GPR39: variants seen among roughly 807,000 people sequenced by gnomAD.
The protein encoded by GPR39 is zinc sensing receptor.
A neutral mutation model predicts 18.4 loss-of-function variants in GPR39; 23 were observed. That is an observed-to-expected ratio of 1.25 (90% CI 0.90 to 1.77). GPR39 has a LOEUF of 1.77. Among genes scored for constraint, GPR39 ranks in the 40% most tolerant of loss-of-function variants. The pLI is 0.00. For missense variants in GPR39, 647 were observed against 602.4 expected, an observed-to-expected ratio of 1.07 and a Z score of -0.78; for synonymous variants, 280 against 257.9, an observed-to-expected ratio of 1.09 and a Z score of -0.82.
chr2:132,575,942 C>A (rs1315528446), intron 1 of GPR39, among the ~76,000 whole-genome samples: 1 of 152,158 alleles, frequency 6.6e-6, no homozygotes, highest in Non-Finnish European at 1.5e-5. Flanking sequence ...CTCCTTCTAA[C>A]ATGTGAGGAA....
intron 1 of GPR39, among the ~76,000 whole-genome samples, chr2:132,427,377 C>T (rs2104756629): frequency 6.7e-6 from 1 of 149,836 alleles, no homozygotes; most frequent in East Asian, 2.0e-4. Context: ...ACTGTGTTAG[C>T]CAGGATGTCT....
intron 1 of GPR39, among the ~76,000 whole-genome samples, chr2:132,511,155 G>T (rs1025232037): frequency 6.6e-6 from 1 of 152,116 alleles, no homozygotes; most frequent in Non-Finnish European, 1.5e-5. Context: ...GTGAAGCAAG[G>T]TTTGCCTGTT....
intron 1 of GPR39, among the ~76,000 whole-genome samples, chr2:132,494,276 G>C (rs1681596262): frequency 6.6e-6 from 1 of 152,130 alleles, no homozygotes; most frequent in South Asian, 2.1e-4. Flanking sequence ...TCCTGAGAAA[G>C]ACCTTCTCCA....
Position 132,646,140 on chromosome 2 carries a change from G to A in GPR39, c.*534G>A. The A allele has an allele frequency of 6.2e-7, 1 of 1,612,010 alleles. No individual in the cohort carries two copies. The highest frequency in any genetic ancestry group is 8.5e-7 in the Non-Finnish European group (1 of 1,178,858). ...GAGGCAGAACTTCCCCTTTTCTTGG[G>A]CCTTGGCCCGTTACAAAGAGGGGTG... On this transcript the variant is annotated 3_prime_UTR_variant, in exon 2 of 2. Coordinates refer to ENST00000329321, the MANE Select transcript of GPR39 (RefSeq NM_001508.3).
intron 1 of GPR39, among the ~76,000 whole-genome samples, chr2:132,593,048 C>T (rs1278746208): frequency 2.6e-5 from 4 of 152,210 alleles, no homozygotes; most frequent in African/African-American, 7.2e-5. Context: ...CTTAAGATTA[C>T]AGTTTTATTA....
In GPR39 at chr2:132,646,006, G is replaced by A. The variant is rs1400009775; in HGVS notation, c.*400G>A. The A allele has an allele frequency of 6.9e-7, 1 of 1,451,766 alleles. No individual in the cohort carries two copies. 89.9% of individuals were successfully genotyped at this position (1,451,766 alleles called of 1,614,324 possible). Reference sequence around the variant, plus strand: ...AGGTGGGGGGTTGGGGGCGAGGGCTGGAAGAACAATGCAGGAGGGGGTGGC... The same window carrying A: ...AGGTGGGGGGTTGGGGGCGAGGGCTAGAAGAACAATGCAGGAGGGGGTGGC... On this transcript the variant is annotated 3_prime_UTR_variant, in exon 2 of 2. Transcript: ENST00000329321.
rs116141805 is a variant in GPR39, at chr2:132,640,303, G to A, written c.857-4798G>A. On this transcript the variant is annotated intron_variant, in intron 1 of 1. Transcript: ENST00000329321. ...ATGTCAGGCTTCAGTGCAGGGTGTT[G>A]TTAGACATCTGCATTTCTTCTGTTT... 9.9e-3 allele frequency among the ~76,000 whole-genome samples: 1,510 copies of A among 152,300 alleles called. 27 individuals are homozygous for A. Among genetic ancestry groups the A allele is most frequent in the Non-Finnish European group, 0.012 (789 of 68,030 alleles).
intron 1 of GPR39, among the ~76,000 whole-genome samples, chr2:132,504,020 A>T (rs2104752678): frequency 6.6e-6 from 1 of 152,322 alleles, no homozygotes; most frequent in East Asian, 1.9e-4. Context: ...CCAGACCATG[A>T]GCTTCCCTAT....
chr2:132,589,361 A>G (rs980353098), intron 1 of GPR39, among the ~76,000 whole-genome samples: 7 of 152,252 alleles, frequency 4.6e-5, no homozygotes, highest in Admixed American at 1.3e-4. Flanking sequence ...GACAGGATAC[A>G]TAATGAGATT....
At chr2:132,598,431 CTTTTTT>C (rs34104835) in intron 1 of GPR39, among the ~76,000 whole-genome samples, 1 of 90,460 alleles carries the variant, frequency 1.1e-5, no homozygotes, top group Non-Finnish European at 2.1e-5. Flanking sequence ...CTAAGGTGAA[CTTTTTT>C]TTTTTTTTTT....
chr2:132,510,230 C>CTG (rs149751362), intron 1 of GPR39, among the ~76,000 whole-genome samples: 3 of 152,156 alleles, frequency 2.0e-5, no homozygotes, highest in Non-Finnish European at 2.9e-5. Flanking sequence ...ACCTACTTGT[C>CTG]TGTGTCCAGT....
intron 1 of GPR39, among the ~76,000 whole-genome samples, chr2:132,590,299 G>C (rs1406306172): frequency 1.3e-5 from 2 of 152,066 alleles, no homozygotes; most frequent in African/African-American, 4.8e-5. Context: ...GAGAGAGAAA[G>C]GTTTAGTCAG....
intron 1 of GPR39, among the ~76,000 whole-genome samples, chr2:132,643,468 G>A (rs1307172429): frequency 6.6e-6 from 1 of 152,170 alleles, no homozygotes; most frequent in African/African-American, 2.4e-5. Flanking sequence ...AGTGCATACA[G>A]GAGGCTCAAT....
chr2:132,516,512 A>G (rs143956062), intron 1 of GPR39, among the ~76,000 whole-genome samples: 3 of 152,146 alleles, frequency 2.0e-5, no homozygotes, highest in Non-Finnish European at 4.4e-5. Context: ...TCCTATTCTT[A>G]ATATCTCTCA....
chr2:132,592,458 A>G (rs561947326), intron 1 of GPR39, among the ~76,000 whole-genome samples: 14 of 152,270 alleles, frequency 9.2e-5, no homozygotes, highest in African/African-American at 3.4e-4. Context: ...GTAGTAGGAA[A>G]TGAGGTCAGG....
In GPR39 at chr2:132,468,214, G is replaced by A. The variant is rs569727439; in HGVS notation, c.856+50316G>A. ...TCAAGTACCTGTGGTTTCACTATGT[G>A]TATATAAATGCAGATGCAACAGTGA... On this transcript the variant is annotated intron_variant, in intron 1 of 1. Transcript: ENST00000329321. 1.7e-4 allele frequency among the ~76,000 whole-genome samples: 26 copies of A among 152,302 alleles called. No homozygotes were observed. In the South Asian group the frequency reaches 5.2e-3, roughly 30 times the overall value.
chr2:132,436,962 G>T (rs1393527114), intron 1 of GPR39, among the ~76,000 whole-genome samples: 1 of 152,096 alleles, frequency 6.6e-6, no homozygotes, highest in Non-Finnish European at 1.5e-5. Context: ...TTCTCCCAAG[G>T]CCCTATGAGG....
Position 132,416,851 on chromosome 2 carries a change from C to A in GPR39, c.-192C>A. ...CACCCAGGCGCCTCCTGGGCCTCTC[C>A]TAGGTTGGGCTGCTCCAGCAAGTTT... On this transcript the variant is annotated 5_prime_UTR_variant, in exon 1 of 2. Transcript: ENST00000329321. 1 of 717,856 alleles carries A rather than the reference C, an allele frequency of 1.4e-6. No individual in the cohort carries two copies. Among genetic ancestry groups the A allele is most frequent in the Non-Finnish European group, 2.3e-6 (1 of 442,886 alleles). The allele number at this position is 717,856 out of a possible 1,614,324, so 44.5% of individuals were successfully genotyped here.
At chr2:132,558,392 A>T (rs1680192125) in intron 1 of GPR39, among the ~76,000 whole-genome samples, 1 of 152,154 alleles carries the variant, frequency 6.6e-6, no homozygotes, top group East Asian at 1.9e-4. Context: ...CCTCATCCAG[A>T]TACACAGAGG....
Sources: gnomAD v4.1 joint callset for allele counts (sites outside exome capture counted in the v4.1 genomes callset) on GRCh38, gnomAD v4.1.1 for gene constraint, MANE v1.5 for transcripts, NCBI Gene and HGNC (gene_info 2026-07-23, HGNC 2026-07-21) for gene names.